Variants in MYT1 observed in about 807,000 individuals in gnomAD.
MYT1 encodes the protein myelin transcription factor I.
Under a neutral mutation model 123.0 loss-of-function variants are expected in MYT1, and 23 were observed. The observed-to-expected ratio is 0.19, with a 90% CI of 0.13 to 0.26. The LOEUF (loss-of-function observed/expected upper bound fraction) is 0.26, where lower values mean the gene tolerates loss of function less well. MYT1 is among the 10% of genes least tolerant of loss of function. MYT1 has a pLI of 1.00. For missense variants in MYT1, 1,125 were observed against 1,472.5 expected, an observed-to-expected ratio of 0.76 and a Z score of 3.86; for synonymous variants, 518 against 575.3, an observed-to-expected ratio of 0.90 and a Z score of 1.43.
chr20:64,208,536 G>C lies in MYT1; in HGVS notation c.1291+49G>C, dbSNP rs772904297. 1.3e-6 allele frequency: 2 copies of C among 1,530,844 alleles called. No individual in the cohort carries two copies. Among genetic ancestry groups the C allele is most frequent in the South Asian group, 1.3e-5 (1 of 77,154 alleles). 94.8% of individuals were successfully genotyped at this position (1,530,844 alleles called of 1,614,324 possible). On this transcript the variant is annotated intron_variant, in intron 7 of 22. Coordinates refer to ENST00000328439, the MANE Select transcript of MYT1 (RefSeq NM_004535.3). This position sits in a 1 kb window ranked among gnomAD's most constrained non-coding sequence, Gnocchi z 5.4. The stretch of plus-strand genomic sequence containing the variant: ...CCTGCAGACTCATCCTTTCACCCCT[G>C]CCCCAGGTGTGCAGATGCAGGCTGA...
At chr20:64,211,802 G>C (rs1340087050) in intron 8 of MYT1, among the ~76,000 whole-genome samples, 1 of 152,210 alleles carries the variant, frequency 6.6e-6, no homozygotes, top group African/African-American at 2.4e-5. Context: ...TTCTGCCGCA[G>C]GAGGGAGGGA....
chr20:64,198,887 G>A lies in MYT1; in HGVS notation c.26G>A (p.Arg9Gln), dbSNP rs775162910. The A allele has an allele frequency of 5.0e-6, 8 of 1,613,996 alleles. No homozygotes were observed. Among genetic ancestry groups the A allele is most frequent in the African/African-American group, 2.7e-5 (2 of 74,914 alleles). Residue 9 changes from arginine to glutamine, a missense_variant, in exon 3 of 23, where the codon CGA (arginine) becomes CAA (glutamine). By Grantham distance (43) the Arg-to-Gln change is conservative. Transcript: ENST00000328439. MSLENEDK[R>Q]ARTRSKALRG... ...ATGAGCTTAGAAAATGAAGACAAGC[G>A]AGCTCGCACCCGATCCAAGGCCCTG...
chr20:64,199,642 G>A (rs1014993504), intron 3 of MYT1, among the ~76,000 whole-genome samples: 3 of 152,192 alleles, frequency 2.0e-5, no homozygotes, highest in Non-Finnish European at 2.9e-5. Context: ...AAACTGCCAG[G>A]CTGCTCAGGG....
In MYT1 at chr20:64,205,109, C is replaced by T. The variant is rs775261991; in HGVS notation, c.149+12C>T. On this transcript the variant is annotated intron_variant, in intron 5 of 22. Coordinates refer to ENST00000328439, the MANE Select transcript of MYT1 (RefSeq NM_004535.3). ...TCCAGGCACCGAAGGTAAGAGGACC[C>T]TTGGATCTCACGGAGATTCCTGGGC... The T allele has an allele frequency of 5.0e-5, 80 of 1,613,886 alleles. 2 individuals are homozygous for T. The East Asian group carries it at 6.5e-4, about 13-fold the overall frequency.
At chr20:64,225,987 G>A (rs1372033091) in intron 16 of MYT1, among the ~76,000 whole-genome samples, 3 of 152,160 alleles carry the variant, frequency 2.0e-5, no homozygotes, top group Admixed American at 6.5e-5. Context: ...GCTTATCCCC[G>A]TTGAGGCCTA....
chr20:64,190,875 A>G lies in MYT1; in HGVS notation c.-1+715A>G, dbSNP rs1298997989. On this transcript the variant is annotated intron_variant, in intron 2 of 22. Coordinates refer to ENST00000328439, the MANE Select transcript of MYT1 (RefSeq NM_004535.3). This position sits in a 1 kb window ranked among gnomAD's most constrained non-coding sequence, Gnocchi z 4.1. ...TCCCAGCTACTGGGGAGGCTGAGGC[A>G]GGAGAATCACTTGAACCTGGGAGGC... Among the ~76,000 whole-genome samples, 2 of 151,952 alleles carry G rather than the reference A, an allele frequency of 1.3e-5. No homozygotes were observed. The highest frequency in any genetic ancestry group is 2.9e-5 in the Non-Finnish European group (2 of 67,976).
In MYT1 at chr20:64,191,465, C is replaced by T. The variant is rs1409986154; in HGVS notation, c.-1+1305C>T. ...TCCCAGAGATCCGATTCTGACCTCT[C>T]TTTTTTCTTTTTTGCATGTAGATGC... On this transcript the variant is annotated intron_variant, in intron 2 of 22. Coordinates refer to ENST00000328439, the MANE Select transcript of MYT1 (RefSeq NM_004535.3). This position sits in a 1 kb window ranked among gnomAD's most constrained non-coding sequence, Gnocchi z 4.1. 6.6e-6 allele frequency: 1 copy of T among 152,234 alleles called. No individual in the cohort carries two copies. The highest frequency in any genetic ancestry group is 1.5e-5 in the Non-Finnish European group (1 of 68,056). 9.4% of individuals were successfully genotyped at this position (152,234 alleles called of 1,614,324 possible).
intron 17 of MYT1, 96 bp from the exon 18 acceptor site, chr20:64,227,792 G>C (rs1367854438): frequency 8.0e-6 from 8 of 996,596 alleles, no homozygotes; most frequent in Non-Finnish European, 8.9e-6. Flanking sequence ...ACCCCACCCT[G>C]GGGTCACAGA....
At chr20:64,188,706 C>T (rs1982882511) in intron 1 of MYT1, among the ~76,000 whole-genome samples, 1 of 152,164 alleles carries the variant, frequency 6.6e-6, no homozygotes, top group African/African-American at 2.4e-5. Flanking sequence ...AGTTAGAGGC[C>T]GCTCACACCG....
In MYT1 at chr20:64,232,458, T is replaced by A. The variant is rs531744179; in HGVS notation, c.2897+73T>A. On this transcript the variant is annotated intron_variant, in intron 19 of 22. Transcript: ENST00000328439. This position sits in a 1 kb window ranked among gnomAD's most constrained non-coding sequence, Gnocchi z 6.9. ...CTCGCCTGGGGCCTGGGGCTGAAGC[T>A]CCTGAGGGAGGGCCAGACCAGGGCT... 6.7e-7 allele frequency: 1 copy of A among 1,484,496 alleles called. No homozygotes were observed. The allele number at this position is 1,484,496 out of a possible 1,614,324, so 92.0% of individuals were successfully genotyped here.
chr20:64,181,426 A>G (rs1034251371), intron 1 of MYT1, among the ~76,000 whole-genome samples: 2 of 152,042 alleles, frequency 1.3e-5, no homozygotes, highest in Non-Finnish European at 2.9e-5. Context: ...CTTTCCTAGT[A>G]TATTTCTTTG....
In MYT1 at chr20:64,230,454, A is replaced by G. The variant is rs1322064844; in HGVS notation, c.2676-1710A>G. On this transcript the variant is annotated intron_variant, in intron 18 of 22. Transcript: ENST00000328439. The stretch of plus-strand genomic sequence containing the variant: ...CTTGAAGCCGGGAGGCGGAGGTTGC[A>G]GTGAGCCAAGATTGTGCCACTGCAC... Among the ~76,000 whole-genome samples the G allele has an allele frequency of 2.0e-5, 3 of 152,262 alleles. No homozygotes were observed. In the East Asian group the frequency reaches 5.8e-4, roughly 29 times the overall value.
chr20:64,211,300 C>G lies in MYT1; in HGVS notation c.1386C>G (p.Ser462Arg), dbSNP rs756507230. Residue 462 changes from serine to arginine, a missense_variant, in exon 8 of 23, where the codon AGC (serine) becomes AGG (arginine). Transcript: ENST00000328439. ...CCGGGTTGTACCCTCACCACCGCAG[C>G]CTTTCTGGCTGTCCCCACAAGGATA... ...HVTGLYPHHR[S>R]LSGCPHKDRI... The G allele has an allele frequency of 1.9e-6, 3 of 1,613,860 alleles. No individual in the cohort carries two copies. Among genetic ancestry groups the G allele is most frequent in the Non-Finnish European group, 2.5e-6 (3 of 1,179,876 alleles).
At chr20:64,197,978 G>C (rs973737913) in intron 2 of MYT1, among the ~76,000 whole-genome samples, 1 of 152,134 alleles carries the variant, frequency 6.6e-6, no homozygotes, top group Non-Finnish European at 1.5e-5. Flanking sequence ...ACCCTGGTGC[G>C]TGAGGGGCAT....
At chr20:64,224,348 ATGAACTTGC>A (rs1325551114) in intron 16 of MYT1, among the ~76,000 whole-genome samples, 1 of 152,200 alleles carries the variant, frequency 6.6e-6, no homozygotes, top group Non-Finnish European at 1.5e-5. Context: ...AGATGAGGAA[ATGAACTTGC>A]TGAAGGCTTC....
At position 64,232,320 on chromosome 20, in the gene MYT1, G is replaced by A. The variant is rs756648789; in HGVS notation, c.2832G>A (p.Pro944=). ...FSWKSLKNEG[P]TCPTPGCDGS... ...GGAAGTCCCTGAAGAATGAAGGACCGACCTGCCCCACCCCGGGCTGTGACG... is the reference window on the plus strand; with the variant it reads ...GGAAGTCCCTGAAGAATGAAGGACCAACCTGCCCCACCCCGGGCTGTGACG... Residue 944 remains proline (P), a synonymous_variant, in exon 19 of 23, where the codon CCG becomes CCA. Transcript: ENST00000328439. This position sits in a 1 kb window ranked among gnomAD's most constrained non-coding sequence, Gnocchi z 6.9. The A allele has an allele frequency of 2.5e-6, 4 of 1,612,986 alleles. No homozygotes were observed. Among genetic ancestry groups the A allele is most frequent in the East Asian group, 2.2e-5 (1 of 44,882 alleles).
intron 1 of MYT1, among the ~76,000 whole-genome samples, chr20:64,173,077 G>C (rs1241635042): frequency 6.6e-6 from 1 of 152,082 alleles, no homozygotes. Context: ...TGTTGGACCA[G>C]GCCTGTTTCC....
rs1274786191 is a variant in MYT1, at chr20:64,185,495, C to A, written c.-98-4568C>A. On this transcript the variant is annotated intron_variant, in intron 1 of 22. Transcript: ENST00000328439. This position sits in a 1 kb window ranked among gnomAD's most constrained non-coding sequence, Gnocchi z 4.5. Reference sequence around the variant, plus strand: ...GAAAACATGTGGCTTTCCACACTTACCACCTGGCCTCTCACTCAGTCTTCC... The same window carrying A: ...GAAAACATGTGGCTTTCCACACTTAACACCTGGCCTCTCACTCAGTCTTCC... 2.0e-5 allele frequency among the ~76,000 whole-genome samples: 3 copies of A among 152,236 alleles called. No individual in the cohort carries two copies. Among genetic ancestry groups the A allele is most frequent in the Admixed American group, 2.0e-4 (3 of 15,288 alleles).
intron 19 of MYT1, 31 bp from the exon 20 acceptor site, chr20:64,236,524 C>A (rs369024915): frequency 2.9e-5 from 46 of 1,583,932 alleles, no homozygotes; most frequent in Middle Eastern, 1.7e-4. Context: ...TGACCCTGGG[C>A]TGGTGAATGA....
Sources: allele counts gnomAD v4.1 joint callset (sites outside exome capture counted in the v4.1 genomes callset), GRCh38; gene constraint gnomAD v4.1.1; non-coding constraint Gnocchi (gnomAD v3.1); transcripts MANE v1.5; gene names NCBI Gene and HGNC (gene_info 2026-07-23, HGNC 2026-07-21).